The following PRH1 variants were observed in gnomAD, a reference collection of about 807,000 sequenced individuals.
PRH1 encodes the protein proline rich protein HaeIII subfamily 1.
PRH1 carries 7 observed loss-of-function variants against 7.9 expected under a neutral mutation model. The ratio of observed to expected loss-of-function variants is 0.89; its 90% CI spans 0.50 to 1.67. The LOEUF is 1.67. Among genes scored for constraint, PRH1 ranks in the 40% most tolerant of loss-of-function variants. The pLI is 0.00. For synonymous variants in PRH1, 45 were observed against 80.8 expected, an observed-to-expected ratio of 0.56 and a Z score of 2.38; for missense variants, 109 against 223.6, an observed-to-expected ratio of 0.49 and a Z score of 3.27.
intron 1 of PRH1, among the ~76,000 whole-genome samples, chr12:11,161,337 T>A (rs1947406852): frequency 6.6e-6 from 1 of 152,238 alleles, no homozygotes; most frequent in Non-Finnish European, 1.5e-5. Flanking sequence ...GTCTACCCAG[T>A]CTAACACAGA....
intron 1 of PRH1, among the ~76,000 whole-genome samples, chr12:11,026,131 G>A (rs570882266): frequency 5.3e-5 from 8 of 152,238 alleles, no homozygotes; most frequent in Middle Eastern, 3.4e-3. Context: ...GAACTCCTGC[G>A]CTCAAGCAAT....
At chr12:11,149,603 A>G (rs1295418033) in intron 1 of PRH1, among the ~76,000 whole-genome samples, 6 of 146,842 alleles carry the variant, frequency 4.1e-5, no homozygotes, top group Non-Finnish European at 7.5e-5. Context: ...TGCTGGGAAA[A>G]CTGGCTAGCC....
At chr12:11,065,954 A>T (rs2418305) in intron 1 of PRH1, among the ~76,000 whole-genome samples, 2 of 151,774 alleles carry the variant, frequency 1.3e-5, no homozygotes, top group Admixed American at 1.3e-4. Flanking sequence ...GGATCTCAAA[A>T]TGTCATTACA....
In PRH1 at chr12:10,929,604, G is replaced by A. The variant is rs189679877; in HGVS notation, c.-59+44051C>T. On this transcript the variant is annotated intron_variant, in intron 2 of 3. Coordinates refer to the PRH1 transcript ENST00000539853. Reference sequence around the variant, plus strand: ...ATTTATAGAGACATGGGACTGCTGGGAAGGATATGGAGAATGCAAGACAGA... The same window carrying A: ...ATTTATAGAGACATGGGACTGCTGGAAAGGATATGGAGAATGCAAGACAGA... Among the ~76,000 whole-genome samples, 433 of 152,308 alleles carry A rather than the reference G, an allele frequency of 2.8e-3. 3 individuals are homozygous for A. The highest frequency in any genetic ancestry group is 5.0e-3 in the Admixed American group (77 of 15,302).
At chr12:10,918,947 T>G (rs1342595338) in intron 2 of PRH1, among the ~76,000 whole-genome samples, 2 of 152,178 alleles carry the variant, frequency 1.3e-5, no homozygotes, top group African/African-American at 4.8e-5. Context: ...ATATTTATTT[T>G]CTTGAGGCAT....
chr12:11,010,285 G>A (rs969205247), intron 1 of PRH1, among the ~76,000 whole-genome samples: 3 of 151,952 alleles, frequency 2.0e-5, no homozygotes, highest in Non-Finnish European at 4.4e-5. Flanking sequence ...ATCATTTAAT[G>A]AGATAGGTGT....
At chr12:11,137,921 T>C (rs552206159) in intron 1 of PRH1, among the ~76,000 whole-genome samples, 27 of 152,254 alleles carry the variant, frequency 1.8e-4, no homozygotes, top group African/African-American at 6.5e-4. Context: ...TTTTAAGTAC[T>C]AGACTTCAAA....
rs567150779 is a variant in PRH1 at position 11,137,767 on chromosome 12, T to A, written n.40-16587A>T. On this transcript the variant is annotated intron_variant and non_coding_transcript_variant, in intron 1 of 1. Coordinates refer to the PRH1 transcript ENST00000541175. ...AACTTTCCAATAATTATGATCTTTT[T>A]AAAATTACTTATTTTCCAAATTATG... 1.8e-4 allele frequency among the ~76,000 whole-genome samples: 28 copies of A among 152,352 alleles called. No homozygotes were observed. In the South Asian group the frequency reaches 5.6e-3, roughly 30 times the overall value.
rs1944441334 is a variant in PRH1, at chr12:11,079,871, T to C, written n.124-32683A>G. Among the ~76,000 whole-genome samples the C allele has an allele frequency of 1.7e-5, 2 of 117,450 alleles. 1 individual carries two copies. Among genetic ancestry groups the C allele is most frequent in the Admixed American group, 1.7e-4 (2 of 11,780 alleles). 77.1% of individuals were successfully genotyped at this position (117,450 alleles called of 152,430 possible). ...AAATAGTGAATTTTTCCCTTCGGTATATAATGAGCAGAGTAATAATAATTT... is the reference window on the plus strand; with the variant it reads ...AAATAGTGAATTTTTCCCTTCGGTACATAATGAGCAGAGTAATAATAATTT... On this transcript the variant is annotated intron_variant and non_coding_transcript_variant, in intron 1 of 4. Coordinates refer to the PRH1 transcript ENST00000541977.
chr12:11,156,542 T>C (rs1385106796), intron 1 of PRH1, among the ~76,000 whole-genome samples: 2 of 152,202 alleles, frequency 1.3e-5, no homozygotes, highest in Non-Finnish European at 2.9e-5. Context: ...CATCTCTTTG[T>C]CTAATTATGC....
At chr12:10,909,256 CA>C (rs746483561) in intron 2 of PRH1, 125 of 1,613,610 alleles carry the variant, frequency 7.7e-5, no homozygotes, top group Non-Finnish European at 1.0e-4. Flanking sequence ...ATGAATTCTG[CA>C]ATTATTACAA....
intron 1 of PRH1, among the ~76,000 whole-genome samples, chr12:11,147,664 T>G (rs927625777): frequency 6.6e-6 from 1 of 152,178 alleles, no homozygotes; most frequent in East Asian, 1.9e-4. Flanking sequence ...TACTGTAAAT[T>G]TGTCTATCTC....
chr12:10,931,989 G>C (rs1401273677), intron 2 of PRH1, among the ~76,000 whole-genome samples: 1 of 152,162 alleles, frequency 6.6e-6, no homozygotes, highest in Admixed American at 6.6e-5. Context: ...CAGCCACAAA[G>C]CATGAACAAC....
chr12:11,129,739 A>G (rs1343596722), intron 1 of PRH1, among the ~76,000 whole-genome samples: 3 of 152,286 alleles, frequency 2.0e-5, no homozygotes, highest in Non-Finnish European at 2.9e-5. Context: ...AGGGAAAATC[A>G]AAACAATTTG....
At chr12:10,882,903 C>G (rs1248590519) in intron 2 of PRH1, among the ~76,000 whole-genome samples, 158 bp downstream of exon 2, 1 of 152,060 alleles carries the variant, frequency 6.6e-6, no homozygotes, top group Non-Finnish European at 1.5e-5. Flanking sequence ...TACTCATGGT[C>G]CCCAGAATCA....
At chr12:11,005,345 C>T (rs1216859224) in intron 1 of PRH1, among the ~76,000 whole-genome samples, 1 of 152,050 alleles carries the variant, frequency 6.6e-6, no homozygotes, top group Non-Finnish European at 1.5e-5. Context: ...TTAACCTCTC[C>T]ATAATTTGTG....
At chr12:10,937,689 T>A (rs960444007) in intron 2 of PRH1, 2 of 152,244 alleles carry the variant, frequency 1.3e-5, no homozygotes, top group Non-Finnish European at 2.9e-5. Flanking sequence ...AGTCACTATA[T>A]GCAGATGATA....
At chr12:10,926,771 A>G (rs1950129733) in intron 2 of PRH1, among the ~76,000 whole-genome samples, 1 of 152,178 alleles carries the variant, frequency 6.6e-6, no homozygotes, top group Admixed American at 6.5e-5. Context: ...GGGAGTGAGG[A>G]TTTTTGAACC....
intron 1 of PRH1, among the ~76,000 whole-genome samples, chr12:11,093,002 T>C (rs1330492854): frequency 8.6e-6 from 1 of 115,904 alleles, no homozygotes; most frequent in African/African-American, 2.9e-5. Flanking sequence ...GCTGGAATTA[T>C]TCACACTGAA....
Sources: allele counts gnomAD v4.1 joint callset (sites outside exome capture counted in the v4.1 genomes callset), GRCh38; gene constraint gnomAD v4.1.1; transcripts MANE v1.5; gene names NCBI Gene and HGNC (gene_info 2026-07-23, HGNC 2026-07-21).